The following EXOC6B variants were observed in gnomAD, a reference collection of about 807,000 sequenced individuals.
EXOC6B encodes SEC15 homolog B.
Under a neutral mutation model 113.5 loss-of-function variants are expected in EXOC6B, and 54 were observed. That is an observed-to-expected ratio of 0.48 (90% CI 0.38 to 0.60). The LOEUF (loss-of-function observed/expected upper bound fraction) is 0.60, where lower values mean the gene tolerates loss of function less well. EXOC6B is among the 20% of genes least tolerant of loss of function. The pLI, the probability that EXOC6B is intolerant of heterozygous loss-of-function variation, is 0.00. For missense variants in EXOC6B, 797 were observed against 977.5 expected (o/e 0.82, Z 2.46); for synonymous variants, 357 against 339.0 (o/e 1.05, Z -0.58).
chr2:72,719,049 A>C (rs1679826165), intron 5 of EXOC6B, among the ~76,000 whole-genome samples: 1 of 152,176 alleles, frequency 6.6e-6, no homozygotes, highest in Non-Finnish European at 1.5e-5. Context: ...GAGAACAACA[A>C]ATCAAGAAGT....
At chr2:72,654,927 G>A (rs77424996) in intron 6 of EXOC6B, among the ~76,000 whole-genome samples, 4 of 152,014 alleles carry the variant, frequency 2.6e-5, no homozygotes, top group Admixed American at 1.3e-4. Context: ...GTAATACCAC[G>A]CATAAATAGT....
chr2:72,534,519 T>G (rs1429569219), intron 8 of EXOC6B, among the ~76,000 whole-genome samples: 1 of 152,070 alleles, frequency 6.6e-6, no homozygotes, highest in Admixed American at 6.6e-5. Flanking sequence ...CCTAAGAGGC[T>G]TGATTGAGGT....
chr2:72,376,460 T>C (rs1444167792), intron 19 of EXOC6B, among the ~76,000 whole-genome samples: 1 of 152,200 alleles, frequency 6.6e-6, no homozygotes, highest in Non-Finnish European at 1.5e-5. Context: ...TTATGTACTA[T>C]ACCTTTTCGT....
intron 18 of EXOC6B, among the ~76,000 whole-genome samples, chr2:72,407,512 C>G (rs1456165693): frequency 9.8e-5 from 15 of 152,290 alleles, no homozygotes; most frequent in African/African-American, 3.6e-4. Flanking sequence ...AAAACTTATA[C>G]ACCACGATCA....
intron 18 of EXOC6B, among the ~76,000 whole-genome samples, chr2:72,404,173 C>T (rs1277967522): frequency 6.6e-6 from 1 of 152,202 alleles, no homozygotes; most frequent in African/African-American, 2.4e-5. Context: ...GGGGCGCCCA[C>T]CATTGCCAAG....
intron 20 of EXOC6B, among the ~76,000 whole-genome samples, chr2:72,238,645 A>G (rs1158779730): frequency 1.3e-5 from 2 of 152,106 alleles, no homozygotes; most frequent in Non-Finnish European, 2.9e-5. Flanking sequence ...TAATTTCCCT[A>G]CTGACTAATG....
At chr2:72,509,341 T>C (rs1700773338) in intron 11 of EXOC6B, among the ~76,000 whole-genome samples, 1 of 152,182 alleles carries the variant, frequency 6.6e-6, no homozygotes, top group African/African-American at 2.4e-5. Flanking sequence ...TTCCTTACAG[T>C]AGCCTGAGCC....
At chr2:72,747,061 AAGAG>A (rs149051631) in intron 1 of EXOC6B, among the ~76,000 whole-genome samples, 3 of 151,710 alleles carry the variant, frequency 2.0e-5, no homozygotes, top group Admixed American at 6.6e-5. Context: ...GTGGTTTAAA[AAGAG>A]AGAGAGAGAG....
At chr2:72,461,214 G>A (rs1484367905) in intron 18 of EXOC6B, among the ~76,000 whole-genome samples, 2 of 106,094 alleles carry the variant, frequency 1.9e-5, no homozygotes, top group South Asian at 4.3e-4. Flanking sequence ...GTTGTGGGGT[G>A]GGGGGAGGGG....
At chr2:72,649,972 G>T (rs1005086838) in intron 6 of EXOC6B, among the ~76,000 whole-genome samples, 5 of 152,156 alleles carry the variant, frequency 3.3e-5, no homozygotes, top group East Asian at 1.9e-4. Context: ...CAGAACAGGG[G>T]TCCCCAACCC....
chr2:72,242,131 G>A (rs1682351791), intron 20 of EXOC6B, among the ~76,000 whole-genome samples: 1 of 152,216 alleles, frequency 6.6e-6, no homozygotes, highest in African/African-American at 2.4e-5. Flanking sequence ...GGTCGAGGCT[G>A]CAGTGAGCTA....
intron 5 of EXOC6B, among the ~76,000 whole-genome samples, chr2:72,724,615 G>A (rs1312674535): frequency 6.6e-6 from 1 of 151,890 alleles, no homozygotes; most frequent in Non-Finnish European, 1.5e-5. Context: ...AAATCAATCT[G>A]CAGAAAGATC....
chr2:72,351,068 A>T (rs539693064), intron 19 of EXOC6B, among the ~76,000 whole-genome samples: 1 of 152,174 alleles, frequency 6.6e-6, no homozygotes, highest in Admixed American at 6.5e-5. Context: ...CAGCTGAGAA[A>T]GAGATTCCAG....
intron 20 of EXOC6B, among the ~76,000 whole-genome samples, chr2:72,329,600 G>A (rs1337063819): frequency 6.6e-6 from 1 of 151,948 alleles, no homozygotes; most frequent in Non-Finnish European, 1.5e-5. Flanking sequence ...GCAAAGGGGG[G>A]AATGTTCCTT....
intron 6 of EXOC6B, among the ~76,000 whole-genome samples, chr2:72,689,533 T>G (rs1677335182): frequency 6.6e-6 from 1 of 152,200 alleles, no homozygotes; most frequent in Non-Finnish European, 1.5e-5. Flanking sequence ...CAGTTTCATA[T>G]CCTAGGGGAT....
intron 18 of EXOC6B, among the ~76,000 whole-genome samples, chr2:72,409,877 A>G (rs974669991): frequency 6.6e-6 from 1 of 152,094 alleles, no homozygotes; most frequent in South Asian, 2.1e-4. Flanking sequence ...TAAAATATAT[A>G]TATATGTATA....
At chr2:72,505,630 T>C (rs894375429) in intron 11 of EXOC6B, among the ~76,000 whole-genome samples, 1 of 152,166 alleles carries the variant, frequency 6.6e-6, no homozygotes, top group Non-Finnish European at 1.5e-5. Flanking sequence ...TAGGTCAATT[T>C]TGAAAGTGCT....
chr2:72,241,332 G>T (rs1559049968), intron 20 of EXOC6B, among the ~76,000 whole-genome samples: 4 of 152,118 alleles, frequency 2.6e-5, no homozygotes, highest in African/African-American at 4.8e-5. Flanking sequence ...GAAATGCAAA[G>T]AGAAAAAGTA....
At chr2:72,355,036 G>A (rs1033745830) in intron 19 of EXOC6B, among the ~76,000 whole-genome samples, 1 of 152,200 alleles carries the variant, frequency 6.6e-6, no homozygotes, top group Non-Finnish European at 1.5e-5. Flanking sequence ...AATTGACTGA[G>A]AGTTGTGTGC....
Sources: allele counts gnomAD v4.1 joint callset (sites outside exome capture counted in the v4.1 genomes callset), GRCh38; gene constraint gnomAD v4.1.1; transcripts MANE v1.5; gene names NCBI Gene and HGNC (gene_info 2026-07-23, HGNC 2026-07-21).